SNX20: variants seen among roughly 807,000 people sequenced by gnomAD.
SNX20 encodes the protein sorting nexin-20.
A neutral mutation model predicts 24.5 loss-of-function variants in SNX20; 21 were observed. The ratio of observed to expected loss-of-function variants is 0.86; its 90% CI spans 0.61 to 1.23. The LOEUF (loss-of-function observed/expected upper bound fraction) is 1.23. Ranked by LOEUF, SNX20 falls within the 50% of genes most tolerant of loss-of-function variation. The probability of loss-of-function intolerance (pLI) is 0.00; values close to 1 mark genes in which losing one functional copy is unlikely to be tolerated. For missense variants in SNX20, 433 were observed against 430.8 expected (o/e 1.00, Z -0.04); for synonymous variants, 206 against 192.8 (o/e 1.07, Z -0.57).
Position 50,674,023 on chromosome 16 carries a change from C to T in SNX20, c.334G>A (p.Val112Ile), listed in dbSNP as rs767585804. 1.2e-5 allele frequency: 19 copies of T among 1,610,996 alleles called. No individual in the cohort carries two copies. The highest frequency in any genetic ancestry group is 1.4e-5 in the Non-Finnish European group (16 of 1,178,750). The change falls in exon 4 of 4, where the codon GTC becomes ATC. Residue 112 changes from valine (V) to isoleucine (I), a missense_variant. Coordinates refer to ENST00000330943, the MANE Select transcript of SNX20 (RefSeq NM_182854.4). ...QTGSFDNNKA[V>I]LERRYSDFAK... ...AAGTCGGAATAGCGCCGTTCCAGGA[C>T]GGCCTTGTTGTTGTCAAAGCTCCCA...
At chr16:50,678,823 C>T (rs2150763597) in intron 1 of SNX20, among the ~76,000 whole-genome samples, 1 of 152,310 alleles carries the variant, frequency 6.6e-6, no homozygotes, top group East Asian at 1.9e-4. Context: ...TAACAGAACC[C>T]ACGTTCACAA....
chr16:50,668,398 T>C (rs1962964733), downstream of SNX20: 1 of 903,432 alleles, frequency 1.1e-6, no homozygotes. Context: ...GCTCAGGGCC[T>C]GTCTCAGGTA....
At chr16:50,680,779 G>A (rs1963280661) in intron 1 of SNX20, among the ~76,000 whole-genome samples, 1 of 152,136 alleles carries the variant, frequency 6.6e-6, no homozygotes, top group South Asian at 2.1e-4. Flanking sequence ...TGGTGGGGTG[G>A]GGGTGGGATC....
At chr16:50,676,020 A>AT in intron 2 of SNX20, 99 bp from the exon 3 acceptor site, 3 of 1,313,930 alleles carry the variant, frequency 2.3e-6, no homozygotes, top group Non-Finnish European at 1.0e-6. Flanking sequence ...GGCATATCAG[A>AT]ACTCCTGAAG....
intron 1 of SNX20, among the ~76,000 whole-genome samples, chr16:50,680,972 C>T (rs1345497531): frequency 6.6e-6 from 1 of 152,228 alleles, no homozygotes; most frequent in African/African-American, 2.4e-5. Flanking sequence ...ATGGGTTGTA[C>T]AAGCGCCTAG....
downstream of SNX20, chr16:50,670,916 T>G (rs1338087939): frequency 6.6e-6 from 1 of 152,244 alleles, no homozygotes; most frequent in Non-Finnish European, 1.5e-5. Context: ...AGCTGCCCCA[T>G]GTGGCCAGTC....
rs139518224 is a variant in SNX20 at position 50,677,444 on chromosome 16, G to A, written c.83C>T (p.Pro28Leu). ...GTGCGGGAGGTCGGGGCCAGTGGCT[G>A]GTGCTTCCTGCTGGGTCCTTGCCGT... Reference protein sequence around the residue: ...QCTARTQQEAPATGPDLPHPG... With the variant: ...QCTARTQQEALATGPDLPHPG... The change falls in exon 2 of 4, where the codon CCA (proline) becomes CTA (leucine). Residue 28 changes from proline to leucine, a missense_variant. Transcript: ENST00000330943. The A allele has an allele frequency of 2.5e-6, 4 of 1,609,460 alleles. No homozygotes were observed. The highest frequency in any genetic ancestry group is 2.7e-5 in the African/African-American group (2 of 74,780).
Position 50,673,289 on chromosome 16 carries a change from A to C in SNX20, c.*117T>G, listed in dbSNP as rs1963091185. Reference sequence around the variant, plus strand: ...GCACTTCAGTCTGGGTGACAGAGCAAGACTGTCTCAAATAACAAAAAAGAA... The same window carrying C: ...GCACTTCAGTCTGGGTGACAGAGCACGACTGTCTCAAATAACAAAAAAGAA... On this transcript the variant is annotated 3_prime_UTR_variant, in exon 4 of 4. Transcript: ENST00000330943. This position sits in a 1 kb window ranked among gnomAD's most constrained non-coding sequence, Gnocchi z 4.1. The C allele has an allele frequency of 5.1e-6, 7 of 1,376,026 alleles. No homozygotes were observed. The Admixed American group carries it at 2.2e-4, about 43-fold the overall frequency. The allele number at this position is 1,376,026 out of a possible 1,614,324, so 85.2% of individuals were successfully genotyped here.
downstream of SNX20, chr16:50,669,161 G>T (rs959895430): frequency 4.4e-6 from 5 of 1,146,752 alleles, no homozygotes; most frequent in South Asian, 1.3e-5. Context: ...GTAAACAGAG[G>T]TGAGTGAAAT....
intron 1 of SNX20, among the ~76,000 whole-genome samples, chr16:50,679,799 G>A (rs1963258926): frequency 6.6e-6 from 1 of 152,178 alleles, no homozygotes. Flanking sequence ...TGGTTTACGT[G>A]ATTCTTGGTG....
downstream of SNX20, chr16:50,667,939 G>A: frequency 1.4e-6 from 2 of 1,398,614 alleles, no homozygotes; most frequent in African/African-American, 2.8e-5. Context: ...GGGTAGGGGG[G>A]GACCCACTCA....
chr16:50,669,165 G>T, downstream of SNX20: 1 of 1,109,124 alleles, frequency 9.0e-7, no homozygotes, highest in Non-Finnish European at 1.3e-6. Flanking sequence ...ACAGAGGTGA[G>T]TGAAATGATC....
downstream of SNX20, chr16:50,669,094 C>T: frequency 6.5e-7 from 1 of 1,544,602 alleles, no homozygotes; most frequent in Non-Finnish European, 8.8e-7. Flanking sequence ...GGTGCTGTCC[C>T]TGTCTCGCCA....
In SNX20 at chr16:50,673,275, T is replaced by G. The variant is rs557716307; in HGVS notation, c.*131A>C. 1 of 1,314,344 alleles carries G rather than the reference T, an allele frequency of 7.6e-7. No homozygotes were observed. The highest frequency in any genetic ancestry group is 1.5e-5 in the African/African-American group (1 of 65,254). The allele number at this position is 1,314,344 out of a possible 1,614,324, so 81.4% of individuals were successfully genotyped here. On this transcript the variant is annotated 3_prime_UTR_variant, in exon 4 of 4. Coordinates refer to ENST00000330943, the MANE Select transcript of SNX20 (RefSeq NM_182854.4). This position sits in a 1 kb window ranked among gnomAD's most constrained non-coding sequence, Gnocchi z 4.1. ...ATAATTGAGCCACTGCACTTCAGTC[T>G]GGGTGACAGAGCAAGACTGTCTCAA...
In SNX20 at chr16:50,677,410, AGGTCCTG is replaced by A. The variant is rs776036441; in HGVS notation, c.110_116del (p.Pro37LeufsTer5). ...CCTCAAGCCCACCTAAGTGCCCGTC[AGGTCCTG>A]GGTGCGGGAGGTCGGGGCCAGTGGC... On this transcript the variant is annotated frameshift_variant, in exon 2 of 4. Coordinates refer to ENST00000330943, the MANE Select transcript of SNX20 (RefSeq NM_182854.4). LOFTEE classifies it high-confidence loss of function. The A allele has an allele frequency of 3.1e-5, 50 of 1,596,438 alleles. No individual in the cohort carries two copies. The highest frequency in any genetic ancestry group is 4.0e-5 in the Non-Finnish European group (47 of 1,170,770).
In SNX20 at chr16:50,674,225, GTTTGTTTA is replaced by G. The variant is rs111843091; in HGVS notation, c.283-159_283-152del. 7,806 of 884,930 alleles carry G rather than the reference GTTTGTTTA, an allele frequency of 8.8e-3. 452 individuals carry two copies. The African/African-American group carries it at 0.14, about 16-fold the overall frequency. The allele number at this position is 884,930 out of a possible 1,614,324, so 54.8% of individuals were successfully genotyped here. A position where few individuals can be genotyped will look rare whatever the true frequency, so the allele number is the denominator to read the frequency against. ...CAATTGTTTGTTTGTTTGTTTGTTT[GTTTGTTTA>G]TTTATTTATTTATTTATTTATTTAT... On this transcript the variant is annotated intron_variant, in intron 3 of 3. Coordinates refer to ENST00000330943, the MANE Select transcript of SNX20 (RefSeq NM_182854.4).
intron 1 of SNX20, among the ~76,000 whole-genome samples, chr16:50,679,324 G>A (rs533567332): frequency 9.2e-5 from 14 of 152,352 alleles, no homozygotes; most frequent in Non-Finnish European, 2.1e-4. Flanking sequence ...CTTGCTCCAG[G>A]GGTGAGAGCC....
At chr16:50,677,607 G>A in intron 1 of SNX20, 72 bp from the exon 2 acceptor site, 1 of 1,384,846 alleles carries the variant, frequency 7.2e-7, no homozygotes. Context: ...GGGTGCCTAG[G>A]AGCTGTGTCA....
downstream of SNX20, chr16:50,668,641 A>G: frequency 2.0e-6 from 2 of 1,024,890 alleles, no homozygotes; most frequent in South Asian, 4.2e-5. Context: ...GTGAGCATGC[A>G]GGAAATTCTG....
Sources: allele counts gnomAD v4.1 joint callset (sites outside exome capture counted in the v4.1 genomes callset), GRCh38; gene constraint gnomAD v4.1.1; non-coding constraint Gnocchi (gnomAD v3.1); transcripts MANE v1.5; gene names NCBI Gene and HGNC (gene_info 2026-07-23, HGNC 2026-07-21).